The following SGCZ variants were observed in gnomAD, a reference collection of about 807,000 sequenced individuals.
SGCZ encodes the protein zeta-sarcoglycan.
A neutral mutation model predicts 41.3 loss-of-function variants in SGCZ; 40 were observed. The observed-to-expected ratio is 0.97, with a 90% CI of 0.75 to 1.26. SGCZ has a LOEUF of 1.26. SGCZ is among the 50% of genes most tolerant of loss of function. SGCZ has a pLI of 0.00. For synonymous variants in SGCZ, 206 were observed against 137.5 expected (o/e 1.50, Z -3.49); for missense variants, 552 against 369.8 (o/e 1.49, Z -4.04).
chr8:14,686,731 T>C (rs978868897), intron 1 of SGCZ, among the ~76,000 whole-genome samples: 3 of 152,068 alleles, frequency 2.0e-5, no homozygotes, highest in Admixed American at 1.3e-4. Flanking sequence ...GTTGGAATAG[T>C]GACCTATATT....
At chr8:14,127,090 T>C (rs904187070) in intron 5 of SGCZ, among the ~76,000 whole-genome samples, 1 of 152,092 alleles carries the variant, frequency 6.6e-6, no homozygotes, top group Non-Finnish European at 1.5e-5. Context: ...CTATGTAAGG[T>C]AAGGTTTACA....
At chr8:15,150,359 C>T (rs1020207902) in intron 1 of SGCZ, among the ~76,000 whole-genome samples, 2 of 152,104 alleles carry the variant, frequency 1.3e-5, no homozygotes, top group Non-Finnish European at 2.9e-5. Context: ...TTAAGTCAGT[C>T]GGTTATTTAA....
chr8:14,940,880 G>A (rs991465640), intron 1 of SGCZ, among the ~76,000 whole-genome samples: 1 of 151,994 alleles, frequency 6.6e-6, no homozygotes, highest in African/African-American at 2.4e-5. Flanking sequence ...AGACTACATT[G>A]TTAACATATA....
At chr8:14,829,692 C>A (rs1331387006) in intron 1 of SGCZ, among the ~76,000 whole-genome samples, 1 of 149,796 alleles carries the variant, frequency 6.7e-6, no homozygotes, top group Admixed American at 6.7e-5. Flanking sequence ...TACGTCTTTT[C>A]TTACAGTAGT....
intron 1 of SGCZ, among the ~76,000 whole-genome samples, chr8:14,810,596 C>T (rs560792643): frequency 1.2e-4 from 18 of 152,108 alleles, no homozygotes; most frequent in African/African-American, 4.3e-4. Flanking sequence ...AGGTGTTTTA[C>T]ATTATAAACT....
chr8:14,653,883 T>C (rs2117462828), intron 1 of SGCZ, among the ~76,000 whole-genome samples: 1 of 152,252 alleles, frequency 6.6e-6, no homozygotes, highest in African/African-American at 2.4e-5. Context: ...ATAATCCTTT[T>C]TTTGAAAGCT....
intron 1 of SGCZ, among the ~76,000 whole-genome samples, chr8:15,097,754 G>A (rs1440288327): frequency 3.8e-5 from 5 of 131,048 alleles, no homozygotes; most frequent in Admixed American, 7.7e-5. Context: ...ATATATACAC[G>A]TATATATGTG....
chr8:14,407,114 G>C (rs1799233021), intron 2 of SGCZ, among the ~76,000 whole-genome samples: 1 of 140,566 alleles, frequency 7.1e-6, no homozygotes. Flanking sequence ...CTGTCACCAG[G>C]CTGGAGTGCA....
chr8:14,507,937 A>G (rs764316486), intron 2 of SGCZ, among the ~76,000 whole-genome samples: 2 of 151,648 alleles, frequency 1.3e-5, no homozygotes, highest in Non-Finnish European at 2.9e-5. Context: ...ACACCTGGCT[A>G]ATTTTGTATT....
chr8:14,973,860 A>G (rs1801379329), intron 1 of SGCZ, among the ~76,000 whole-genome samples: 1 of 152,182 alleles, frequency 6.6e-6, no homozygotes, highest in Non-Finnish European at 1.5e-5. Context: ...AGTTGAACCC[A>G]GTGCATATAT....
chr8:14,847,865 T>C (rs1360639083), intron 1 of SGCZ, among the ~76,000 whole-genome samples: 2 of 150,334 alleles, frequency 1.3e-5, no homozygotes, highest in Non-Finnish European at 3.0e-5. Context: ...TCCCACCATC[T>C]CTAGTCAACA....
chr8:14,121,640 G>A (rs1183819663), intron 5 of SGCZ, among the ~76,000 whole-genome samples: 2 of 151,936 alleles, frequency 1.3e-5, no homozygotes, highest in Non-Finnish European at 2.9e-5. Context: ...TTAAGTTATT[G>A]TGTAGCAAAA....
intron 2 of SGCZ, among the ~76,000 whole-genome samples, chr8:14,533,409 G>A (rs1461850): frequency 0.22 from 33,553 of 151,962 alleles, 4,676 homozygotes; most frequent in Non-Finnish European, 0.32. Context: ...AATTTTTGAA[G>A]AGTTTATTGA....
chr8:15,157,731 T>C (rs1481697902), intron 1 of SGCZ, among the ~76,000 whole-genome samples: 1 of 152,098 alleles, frequency 6.6e-6, no homozygotes, highest in East Asian at 1.9e-4. Context: ...AATGAAACCT[T>C]TACAGTACTA....
At chr8:14,593,529 A>G (rs79846716) in intron 1 of SGCZ, among the ~76,000 whole-genome samples, 3,692 of 152,306 alleles carry the variant, frequency 0.024, 80 homozygotes, top group East Asian at 0.062. Context: ...ATTTTAATTA[A>G]AATATTTTCT....
chr8:15,201,002 C>T (rs268371), intron 1 of SGCZ, among the ~76,000 whole-genome samples: 128,722 of 152,156 alleles, frequency 0.85, 54,874 homozygotes, highest in Non-Finnish European at 0.9. Context: ...ACTACCAAAG[C>T]GTCCCCAATC....
Position 14,094,141 on chromosome 8 carries a change from A to G in SGCZ, c.745-3504T>C, listed in dbSNP as rs1002017018. On this transcript the variant is annotated intron_variant, in intron 7 of 7. Coordinates refer to ENST00000382080, the MANE Select transcript of SGCZ (RefSeq NM_139167.4). ...CCCAAGATAGAAAAACCCTTTTTTT[A>G]AAAAGATTTTTTTAACTATACTTTA... Among the ~76,000 whole-genome samples, 11 of 152,094 alleles carry G rather than the reference A, an allele frequency of 7.2e-5. 1 individual carries two copies. Among genetic ancestry groups the G allele is most frequent in the East Asian group, 1.9e-4 (1 of 5,164 alleles).
At chr8:14,959,905 G>A (rs1053805984) in intron 1 of SGCZ, among the ~76,000 whole-genome samples, 2 of 152,114 alleles carry the variant, frequency 1.3e-5, no homozygotes, top group African/African-American at 4.8e-5. Context: ...TCCAGCACGC[G>A]CTGAGGGAAG....
chr8:14,624,991 T>G (rs1239721102), intron 1 of SGCZ, among the ~76,000 whole-genome samples: 2 of 152,178 alleles, frequency 1.3e-5, no homozygotes, highest in Non-Finnish European at 2.9e-5. Flanking sequence ...CACATGAATT[T>G]CTTAGGTATA....
Sources: allele counts gnomAD v4.1 joint callset (sites outside exome capture counted in the v4.1 genomes callset), GRCh38; gene constraint gnomAD v4.1.1; transcripts MANE v1.5; gene names NCBI Gene and HGNC (gene_info 2026-07-23, HGNC 2026-07-21).